Variants in NLRP12 observed in about 807,000 individuals in gnomAD.
NLRP12 encodes NACHT, LRR and PYD domains-containing protein 12.
Under a neutral mutation model 91.2 loss-of-function variants are expected in NLRP12, and 108 were observed. The ratio of observed to expected loss-of-function variants is 1.18; its 90% CI spans 1.01 to 1.39. NLRP12 has a LOEUF of 1.39. Among genes scored for constraint, NLRP12 ranks in the 40% most tolerant of loss-of-function variants. The pLI is 0.00. For synonymous variants in NLRP12, 613 were observed against 566.7 expected, an observed-to-expected ratio of 1.08 and a Z score of -1.16; for missense variants, 1,530 against 1,352.7, an observed-to-expected ratio of 1.13 and a Z score of -2.06.
In NLRP12 at chr19:53,795,919, G is replaced by A. The variant is rs538392013; in HGVS notation, c.3038C>T (p.Thr1013Ile). ...LYLTNNALGD[T>I]GVRLLCKRLS... Reference sequence around the variant, plus strand: ...CCGCTTGCAAAGCAGTCGGACACCTGTGTCCCCTAGGGCGTTGTTGGTCAG... The same window carrying A: ...CCGCTTGCAAAGCAGTCGGACACCTATGTCCCCTAGGGCGTTGTTGGTCAG... The change falls in exon 9 of 10, where the codon ACA (threonine) becomes ATA (isoleucine). Residue 1013 changes from threonine (T) to isoleucine (I), a missense_variant. Transcript: ENST00000324134. The A allele has an allele frequency of 4.3e-6, 7 of 1,614,120 alleles. No individual in the cohort carries two copies. In the South Asian group the frequency reaches 7.7e-5, roughly 18 times the overall value.
In NLRP12 at chr19:53,804,098, G is replaced by A. The variant is rs199475870; in HGVS notation, c.2439C>T (p.Ser813=). 40 of 1,613,974 alleles carry A rather than the reference G, an allele frequency of 2.5e-5. No individual in the cohort carries two copies. The highest frequency in any genetic ancestry group is 1.6e-4 in the Middle Eastern group (1 of 6,062). ...CAGAAGCCATCTCCTGACAAGCCCC[G>A]GACTCCAGCTGACACTTCCTCAACC... ...MIQLRKCQLE[S]GACQEMASVL... The change falls in exon 6 of 10, where the codon TCC becomes TCT. Residue 813 remains serine (S), a synonymous_variant. Transcript: ENST00000324134.
intron 7 of NLRP12, among the ~76,000 whole-genome samples, chr19:53,800,944 C>G (rs2091858644): frequency 6.6e-6 from 1 of 152,016 alleles, no homozygotes; most frequent in Non-Finnish European, 1.5e-5. Flanking sequence ...CCTGTAATCC[C>G]AGCACTTTGG....
At chr19:53,815,876 C>T (rs1030614675) in intron 1 of NLRP12, among the ~76,000 whole-genome samples, 2 of 151,954 alleles carry the variant, frequency 1.3e-5, no homozygotes, top group Non-Finnish European at 2.9e-5. Context: ...TCCCAAAGTG[C>T]TGGGATTACA....
chr19:53,800,517 CAG>C (rs1183782997), intron 7 of NLRP12, among the ~76,000 whole-genome samples: 2 of 151,694 alleles, frequency 1.3e-5, no homozygotes, highest in African/African-American at 2.4e-5. Flanking sequence ...AAAGAGGGGA[CAG>C]AGAGCAGAAG....
In NLRP12 at chr19:53,811,061, A is replaced by C; in HGVS notation, c.598T>G (p.Phe200Val). The C allele has an allele frequency of 6.2e-7, 1 of 1,612,670 alleles. No homozygotes were observed. ...QASPIKIETL[F>V]EPDEERPEPP... ...TCGGGGCGCTCCTCGTCTGGCTCAA[A>C]GAGGGTCTCTATCTTGATGGGGCTA... The change falls in exon 3 of 10, where the codon TTT becomes GTT. Residue 200 changes from phenylalanine to valine, a missense_variant. By Grantham distance (50) the Phe-to-Val change is conservative. Coordinates refer to ENST00000324134, the MANE Select transcript of NLRP12 (RefSeq NM_144687.4).
At chr19:53,817,034 G>C (rs1001333306) in intron 1 of NLRP12, among the ~76,000 whole-genome samples, 1 of 150,504 alleles carries the variant, frequency 6.6e-6, no homozygotes, top group Non-Finnish European at 1.5e-5. Context: ...GCTCACGCCT[G>C]TAATCCCAGC....
At chr19:53,811,853 C>T (rs1257556935) in intron 2 of NLRP12, among the ~76,000 whole-genome samples, 1 of 152,112 alleles carries the variant, frequency 6.6e-6, no homozygotes, top group Non-Finnish European at 1.5e-5. Flanking sequence ...GCATGAGCCA[C>T]TGTGTCCAGC....
chr19:53,807,975 C>T (rs1022908958), intron 3 of NLRP12: 4 of 377,322 alleles, frequency 1.1e-5, no homozygotes, highest in Non-Finnish European at 2.1e-5. Flanking sequence ...ATCTCGTACT[C>T]CTGACCTCAG....
At chr19:53,796,181 C>G (rs1448556339) in intron 8 of NLRP12, 152 bp from the exon 9 acceptor site, 5 of 718,146 alleles carry the variant, frequency 7.0e-6, no homozygotes, top group Non-Finnish European at 1.2e-5. Flanking sequence ...ATTCTCCTGC[C>G]TCAGCCTCCT....
At chr19:53,808,068 ATTT>A (rs539654427) in intron 3 of NLRP12, 59 of 286,648 alleles carry the variant, frequency 2.1e-4, no homozygotes, top group Non-Finnish European at 7.5e-5. Flanking sequence ...CTATCTTTTC[ATTT>A]TTTTTTTTAG....
In NLRP12 at chr19:53,804,038, G is replaced by T. The variant is rs139956424; in HGVS notation, c.2499C>A (p.Asp833Glu). Reference sequence around the variant, plus strand: ...AATCCTCCAGTGCATTTCCTGTCAGGTCCAACTCAACCAGATGTGGGTTGG... The same window carrying T: ...AATCCTCCAGTGCATTTCCTGTCAGTTCCAACTCAACCAGATGTGGGTTGG... ...LGTNPHLVEL[D>E]LTGNALEDLG... Residue 833 changes from aspartate (D) to glutamate (E), a missense_variant, in exon 6 of 10, where the codon GAC becomes GAA. Asp to Glu is a conservative substitution (Grantham distance 45). Transcript: ENST00000324134. The T allele has an allele frequency of 1.5e-5, 25 of 1,614,012 alleles. No homozygotes were observed. Among genetic ancestry groups the T allele is most frequent in the Non-Finnish European group, 1.9e-5 (23 of 1,179,974 alleles).
Position 53,824,304 on chromosome 19 carries a change from G to C in NLRP12, c.-130C>G, listed in dbSNP as rs1376975012. ...AGCGGGCGGAGAGGCTGAGCCAGTG[G>C]TTGGAGGAGAGAGCAAGGGAGGAAA... On this transcript the variant is annotated 5_prime_UTR_variant, in exon 1 of 10. Coordinates refer to ENST00000324134, the MANE Select transcript of NLRP12 (RefSeq NM_144687.4). 2.1e-6 allele frequency: 2 copies of C among 933,100 alleles called. No individual in the cohort carries two copies. Among genetic ancestry groups the C allele is most frequent in the Non-Finnish European group, 3.4e-6 (2 of 596,862 alleles). 57.8% of individuals were successfully genotyped at this position (933,100 alleles called of 1,614,324 possible).
rs2091750724 is a variant in NLRP12, at chr19:53,795,967, T to A, written c.2990A>T (p.Asn997Ile). Residue 997 changes from asparagine (N) to isoleucine (I), a missense_variant, in exon 9 of 10, where the codon AAC becomes ATC. Transcript: ENST00000324134. ...CENLYFTLGINQTLTDLYLTN... is the reference protein window; with the variant it reads ...CENLYFTLGIIQTLTDLYLTN... ...CAGGTAAAGGTCGGTCAAGGTCTGG[T>A]TGATCCCCAGGGTGAAGTAAAGATT... The A allele has an allele frequency of 1.7e-5, 27 of 1,614,132 alleles. No homozygotes were observed. Among genetic ancestry groups the A allele is most frequent in the Non-Finnish European group, 2.3e-5 (27 of 1,180,014 alleles).
At chr19:53,802,875 G>GAATA (rs1039575422) in intron 6 of NLRP12, among the ~76,000 whole-genome samples, 1 of 152,076 alleles carries the variant, frequency 6.6e-6, no homozygotes. Flanking sequence ...CGAGGCTCCT[G>GAATA]AATAGCTGGG....
chr19:53,823,235 TTAAA>T (rs2092285565), intron 1 of NLRP12, among the ~76,000 whole-genome samples: 1 of 142,062 alleles, frequency 7.0e-6, no homozygotes, highest in South Asian at 2.1e-4. Flanking sequence ...AATATATGTA[TTAAA>T]TATTTAATAT....
Position 53,823,889 on chromosome 19 carries a change from T to TC in NLRP12, c.285dup (p.Arg96GlufsTer97), listed in dbSNP as rs1371902374. The TC allele has an allele frequency of 6.2e-7, 1 of 1,613,912 alleles. No individual in the cohort carries two copies. The highest frequency in any genetic ancestry group is 8.5e-7 in the Non-Finnish European group (1 of 1,180,014). ...GCCTGTCCCGCCACCTCCTTACCCCTCACCAGGTCCTCTCTCTGTCCTCTC... is the reference window on the plus strand; with the variant it reads ...GCCTGTCCCGCCACCTCCTTACCCCTCCACCAGGTCCTCTCTCTGTCCTCTC... On this transcript the variant is annotated frameshift_variant, in exon 1 of 10. Transcript: ENST00000324134. LOFTEE classifies it high-confidence loss of function.
rs2091755366 is a variant in NLRP12 at position 53,796,149 on chromosome 19, C to T, written c.2928-120G>A. The T allele has an allele frequency of 3.3e-6, 3 of 912,508 alleles. No individual in the cohort carries two copies. The East Asian group carries it at 7.7e-5, about 23-fold the overall frequency. The allele number at this position is 912,508 out of a possible 1,614,324, so 56.5% of individuals were successfully genotyped here. A position where few individuals can be genotyped will look rare whatever the true frequency, so the allele number is the denominator to read the frequency against. On this transcript the variant is annotated intron_variant, in intron 8 of 9. Coordinates refer to ENST00000324134, the MANE Select transcript of NLRP12 (RefSeq NM_144687.4). ...TGGTGAGATTTCTGTTCACTGCAACCTCCGCCTCCCAGGTTCAAGCGATTC... is the reference window on the plus strand; with the variant it reads ...TGGTGAGATTTCTGTTCACTGCAACTTCCGCCTCCCAGGTTCAAGCGATTC...
At chr19:53,820,189 A>C (rs756108843) in intron 1 of NLRP12, among the ~76,000 whole-genome samples, 2 of 152,072 alleles carry the variant, frequency 1.3e-5, no homozygotes, top group Non-Finnish European at 2.9e-5. Context: ...CTGCCTTTGA[A>C]GGCGTCCATG....
At chr19:53,807,466 C>G (rs1325442774) in intron 4 of NLRP12, 29 bp downstream of exon 4, 1 of 1,607,700 alleles carries the variant, frequency 6.2e-7, no homozygotes, top group South Asian at 1.1e-5. Flanking sequence ...TGGGGACCAC[C>G]TGAAACGCCC....
Sources: gnomAD v4.1 joint callset for allele counts (sites outside exome capture counted in the v4.1 genomes callset) on GRCh38, gnomAD v4.1.1 for gene constraint, MANE v1.5 for transcripts, NCBI Gene and HGNC (gene_info 2026-07-23, HGNC 2026-07-21) for gene names.